Variants in ADAP1 observed in about 807,000 individuals in gnomAD.
The protein encoded by ADAP1 is arf-GAP with dual PH domain-containing protein 1.
A neutral mutation model predicts 54.9 loss-of-function variants in ADAP1; 31 were observed. That is an observed-to-expected ratio of 0.56 (90% confidence interval 0.42 to 0.76). The LOEUF (loss-of-function observed/expected upper bound fraction) is 0.76. Among genes scored for constraint, ADAP1 ranks in the 30% least tolerant of loss-of-function variants. ADAP1 has a pLI of 0.00. For missense variants in ADAP1, 535 were observed against 512.4 expected, an observed-to-expected ratio of 1.04 and a Z score of -0.42; for synonymous variants, 313 against 202.6, an observed-to-expected ratio of 1.55 and a Z score of -4.63.
chr7:943,889 A>T, intron 1 of ADAP1, among the ~76,000 whole-genome samples: 1 of 146,168 alleles, frequency 6.8e-6, no homozygotes, highest in East Asian at 1.9e-4. Flanking sequence ...GAGGAGAAAG[A>T]GAGAAATTGA....
In ADAP1 at chr7:946,209, T is replaced by C. The variant is rs1269466226; in HGVS notation, c.82+8187A>G. On this transcript the variant is annotated intron_variant, in intron 1 of 10. Transcript: ENST00000265846. This position sits in a 1 kb window ranked among gnomAD's most constrained non-coding sequence, Gnocchi z 4.3. ...ACTCCACCTCCGTGTTTTCCGCATA[T>C]TGTCTCCCAGTTACCCGTGGCCCCT... Among the ~76,000 whole-genome samples, 1 of 151,990 alleles carries C rather than the reference T, an allele frequency of 6.6e-6. No homozygotes were observed. The highest frequency in any genetic ancestry group is 2.4e-5 in the African/African-American group (1 of 41,382).
intron 3 of ADAP1, among the ~76,000 whole-genome samples, chr7:924,743 G>A (rs568174364): frequency 2.0e-5 from 3 of 151,722 alleles, no homozygotes; most frequent in African/African-American, 4.8e-5. Context: ...CCAGCCCCCC[G>A]CACCCATGTC....
At chr7:924,089 C>A in intron 3 of ADAP1, among the ~76,000 whole-genome samples, 1 of 67,232 alleles carries the variant, frequency 1.5e-5, no homozygotes, top group Non-Finnish European at 3.2e-5. Context: ...CACGCTGCAC[C>A]CCCCGCCCTC....
At chr7:928,863 C>T (rs552266764) in intron 2 of ADAP1, among the ~76,000 whole-genome samples, 11 of 152,354 alleles carry the variant, frequency 7.2e-5, no homozygotes, top group South Asian at 2.1e-4. Flanking sequence ...GACGCGAAGA[C>T]GCAGAGACAT....
chr7:904,654 G>A (rs1257675160), intron 5 of ADAP1, among the ~76,000 whole-genome samples: 1 of 152,212 alleles, frequency 6.6e-6, no homozygotes, highest in African/African-American at 2.4e-5. Context: ...CCATGGGTCT[G>A]GGGCCACCTT....
At chr7:922,820 G>A (rs1245785369) in intron 3 of ADAP1, among the ~76,000 whole-genome samples, 4 of 38,874 alleles carry the variant, frequency 1.0e-4, no homozygotes, top group African/African-American at 2.1e-4. Context: ...CCACACCCCC[G>A]CCCACGCACC....
intron 6 of ADAP1, among the ~76,000 whole-genome samples, chr7:902,019 G>C (rs916000408): frequency 6.6e-6 from 1 of 152,100 alleles, no homozygotes; most frequent in African/African-American, 2.4e-5. Flanking sequence ...CTGGAGCTCT[G>C]TGACCCTGCA....
At chr7:912,513 T>A (rs1583148061) in intron 4 of ADAP1, among the ~76,000 whole-genome samples, 1 of 152,122 alleles carries the variant, frequency 6.6e-6, no homozygotes, top group East Asian at 1.9e-4. Context: ...CCCTGCTGGC[T>A]CAGCGGGCTG....
rs1215074742 is a variant in ADAP1 at position 899,400 on chromosome 7, G to C, written c.867+19C>G. The C allele has an allele frequency of 8.7e-6, 14 of 1,612,504 alleles. No individual in the cohort carries two copies. The highest frequency in any genetic ancestry group is 1.1e-5 in the Non-Finnish European group (13 of 1,179,614). On this transcript the variant is annotated intron_variant, in intron 9 of 10. Coordinates refer to ENST00000265846, the MANE Select transcript of ADAP1 (RefSeq NM_006869.4). ...CCAGTGAGCTGCCCTCCCGTGCTGG[G>C]GCCACAGCTCCTCCTTACCAGGGGG...
At position 948,464 on chromosome 7, in the gene ADAP1, C is replaced by A. The variant is rs188114753; in HGVS notation, c.82+5932G>T. ...CAGTCACTTCCAAAGCCTTCCCCTG[C>A]ATGCCAGGCCGAGCTCCCACTGCAG... On this transcript the variant is annotated intron_variant, in intron 1 of 10. Transcript: ENST00000265846. 2.7e-3 allele frequency among the ~76,000 whole-genome samples: 404 copies of A among 152,270 alleles called. 1 individual carries two copies. Among genetic ancestry groups the A allele is most frequent in the African/African-American group, 9.4e-3 (391 of 41,548 alleles).
At chr7:908,466 CCTCTACAAGG>C (rs1398934112) in intron 4 of ADAP1, among the ~76,000 whole-genome samples, 2 of 152,196 alleles carry the variant, frequency 1.3e-5, no homozygotes, top group Non-Finnish European at 2.9e-5. Flanking sequence ...GCTCCCCAAG[CCTCTACAAGG>C]CTGCTGCCCC....
chr7:928,288 G>A (rs1367337105), intron 2 of ADAP1, among the ~76,000 whole-genome samples: 2 of 152,084 alleles, frequency 1.3e-5, no homozygotes, highest in African/African-American at 2.4e-5. Context: ...GATCCCTTGA[G>A]CCCAAGAGGT....
chr7:926,618 G>A lies in ADAP1; in HGVS notation c.240C>T (p.Ala80=), dbSNP rs370646663. The change falls in exon 3 of 11, where the codon GCC becomes GCT. Residue 80 remains alanine, a synonymous_variant. Transcript: ENST00000265846. The surrounding 1 kb of genome is among the most constrained non-coding windows in gnomAD (Gnocchi z 4.6). ...VEFMASHGND[A]ARARFESKVP... is the part of the protein sequence containing the mutation. ...CTTTGGACTCAAACCTGGCTCTCGCGGCGTCGTTCCCGTGGGAGGCCATGA... is the reference window on the plus strand; with the variant it reads ...CTTTGGACTCAAACCTGGCTCTCGCAGCGTCGTTCCCGTGGGAGGCCATGA... 1.0e-5 allele frequency: 16 copies of A among 1,544,662 alleles called. No homozygotes were observed. Among genetic ancestry groups the A allele is most frequent in the East Asian group, 5.0e-5 (2 of 40,202 alleles).
chr7:920,166 C>A lies in ADAP1; in HGVS notation c.306-116G>T. On this transcript the variant is annotated intron_variant, in intron 3 of 10. Coordinates refer to ENST00000265846, the MANE Select transcript of ADAP1 (RefSeq NM_006869.4). The surrounding 1 kb of genome is among the most constrained non-coding windows in gnomAD (Gnocchi z 4.5). ...GAGGCTCATAGGGACCCCCGGCAGACTCGAGCCGCCCCTCTGGGCACAAGA... is the reference window on the plus strand; with the variant it reads ...GAGGCTCATAGGGACCCCCGGCAGAATCGAGCCGCCCCTCTGGGCACAAGA... 2.4e-6 allele frequency: 2 copies of A among 824,296 alleles called. No homozygotes were observed. The highest frequency in any genetic ancestry group is 1.6e-5 in the South Asian group (1 of 61,226). The allele number at this position is 824,296 out of a possible 1,614,324, so 51.1% of individuals were successfully genotyped here. A position where few individuals can be genotyped will look rare whatever the true frequency, so the allele number is the denominator to read the frequency against.
At chr7:948,403 C>T (rs554046604) in intron 1 of ADAP1, among the ~76,000 whole-genome samples, 133 of 152,294 alleles carry the variant, frequency 8.7e-4, no homozygotes, top group African/African-American at 3.0e-3. Context: ...CCCTCCCCGC[C>T]GGCCCATGGC....
chr7:932,436 C>T (rs373801464), intron 2 of ADAP1, among the ~76,000 whole-genome samples: 5 of 152,166 alleles, frequency 3.3e-5, no homozygotes, highest in African/African-American at 7.2e-5. Flanking sequence ...ACAATAGCCA[C>T]GTCTTCTCCC....
chr7:935,618 G>C, intron 1 of ADAP1, 113 bp from the exon 2 acceptor site: 1 of 1,364,798 alleles, frequency 7.3e-7, no homozygotes, highest in Non-Finnish European at 9.9e-7. Context: ...GGCTTCAGCG[G>C]AGACCCCCGG....
At chr7:898,972 G>C (rs540664550) in intron 10 of ADAP1, 23 bp from the exon 11 acceptor site, 1 of 1,611,576 alleles carries the variant, frequency 6.2e-7, no homozygotes, top group Non-Finnish European at 8.5e-7. Context: ...AGGGTCCAGC[G>C]TTGTCACAGC....
chr7:926,683 C>T lies in ADAP1; in HGVS notation c.214-39G>A. 6.7e-7 allele frequency: 1 copy of T among 1,497,956 alleles called. No individual in the cohort carries two copies. The highest frequency in any genetic ancestry group is 9.0e-7 in the Non-Finnish European group (1 of 1,116,318). The allele number at this position is 1,497,956 out of a possible 1,614,324, so 92.8% of individuals were successfully genotyped here. ...GGGGCCGGGTCAGAGGCCTGGGGTC[C>T]CAGGGGCAGCCTAGGAGGTGCCAGC... On this transcript the variant is annotated intron_variant, in intron 2 of 10. Coordinates refer to ENST00000265846, the MANE Select transcript of ADAP1 (RefSeq NM_006869.4). This position sits in a 1 kb window ranked among gnomAD's most constrained non-coding sequence, Gnocchi z 4.6.
Sources: allele counts gnomAD v4.1 joint callset (sites outside exome capture counted in the v4.1 genomes callset), GRCh38; gene constraint gnomAD v4.1.1; non-coding constraint Gnocchi (gnomAD v3.1); transcripts MANE v1.5; gene names NCBI Gene and HGNC (gene_info 2026-07-23, HGNC 2026-07-21).